Variants in ZFYVE28 observed in about 807,000 individuals in gnomAD.
The protein encoded by ZFYVE28 is zinc finger FYVE-type containing 28, also known as lateral signaling target protein 2 homolog.
Under a neutral mutation model 82.1 loss-of-function variants are expected in ZFYVE28, and 40 were observed. That is an observed-to-expected ratio of 0.49 (90% CI 0.38 to 0.63). The LOEUF is 0.63. Ranked by LOEUF, ZFYVE28 falls within the 30% of genes least tolerant of loss-of-function variation. The probability of loss-of-function intolerance (pLI) is 0.00; values close to 1 mark genes in which losing one functional copy is unlikely to be tolerated. For missense variants in ZFYVE28, 1,321 were observed against 1,242.1 expected, an observed-to-expected ratio of 1.06 and a Z score of -0.96; for synonymous variants, 612 against 546.1, an observed-to-expected ratio of 1.12 and a Z score of -1.68.
At chr4:2,317,082 G>A (rs2213315) in intron 7 of ZFYVE28, among the ~76,000 whole-genome samples, 38,109 of 149,502 alleles carry the variant, frequency 0.25, 5,702 homozygotes, top group Middle Eastern at 0.39. Context: ...TCCACCTCCT[G>A]GGTTCAAGCG....
intron 1 of ZFYVE28, among the ~76,000 whole-genome samples, chr4:2,376,803 A>G (rs1728191095): frequency 1.3e-5 from 2 of 152,096 alleles, no homozygotes; most frequent in African/African-American, 2.4e-5. Context: ...ACATGACCCT[A>G]TGGTCCCAGC....
At chr4:2,295,022 C>T (rs148454605) in intron 8 of ZFYVE28, among the ~76,000 whole-genome samples, 5 of 152,130 alleles carry the variant, frequency 3.3e-5, no homozygotes, top group African/African-American at 4.8e-5. Flanking sequence ...AAAACTACAA[C>T]GAGGTACCAC....
intron 2 of ZFYVE28, among the ~76,000 whole-genome samples, chr4:2,346,502 T>C (rs1036935515): frequency 6.6e-6 from 1 of 152,156 alleles, no homozygotes; most frequent in Non-Finnish European, 1.5e-5. Context: ...ATTTTCTAAA[T>C]TTTTAATTTA....
intron 1 of ZFYVE28, among the ~76,000 whole-genome samples, chr4:2,381,236 C>T (rs937909788): frequency 1.3e-5 from 2 of 152,184 alleles, no homozygotes; most frequent in Admixed American, 6.5e-5. Context: ...TGCCCCTGCC[C>T]TAGAGATTTG....
intron 1 of ZFYVE28, among the ~76,000 whole-genome samples, chr4:2,393,258 CAG>C (rs1272052235): frequency 6.6e-6 from 1 of 152,238 alleles, no homozygotes; most frequent in African/African-American, 2.4e-5. Context: ...TTTCTAGACA[CAG>C]AACACCTGCC....
At position 2,271,775 on chromosome 4, in the gene ZFYVE28, G is replaced by A; in HGVS notation, c.2328C>T (p.Thr776=). 1 of 1,613,296 alleles carries A rather than the reference G, an allele frequency of 6.2e-7. No individual in the cohort carries two copies. Among genetic ancestry groups the A allele is most frequent in the South Asian group, 1.1e-5 (1 of 91,088 alleles). Residue 776 remains threonine, a synonymous_variant, in exon 11 of 13, where the codon ACC becomes ACT. Coordinates refer to ENST00000290974, the MANE Select transcript of ZFYVE28 (RefSeq NM_020972.3). ...CCAAGGCCGCACTCCGCAGAGTCTGGGTGACTAGTGGAGAAGGGGGGCCGT... is the reference window on the plus strand; with the variant it reads ...CCAAGGCCGCACTCCGCAGAGTCTGAGTGACTAGTGGAGAAGGGGGGCCGT... ...TDDKEKLRKV[T]QTLRSAALED...
At chr4:2,330,815 G>A in intron 6 of ZFYVE28, 1 of 1,534,058 alleles carries the variant, frequency 6.5e-7, no homozygotes, top group Non-Finnish European at 8.7e-7. Context: ...GGGACAGCAT[G>A]GTGGAGACCC....
chr4:2,311,670 T>G (rs937587234), intron 7 of ZFYVE28, among the ~76,000 whole-genome samples: 2 of 152,264 alleles, frequency 1.3e-5, no homozygotes, highest in African/African-American at 2.4e-5. Context: ...CCTAGCTTCT[T>G]TAGACAAAAT....
Position 2,304,855 on chromosome 4 carries a change from C to G in ZFYVE28, c.1485G>C (p.Ala495=), listed in dbSNP as rs758470767. ...RLHLDGWEVG[A]DDAETAEMIA... ...TCATCTCAGCCGTCTCTGCGTCATC[C>G]GCACCCACCTCCCAGCCGTCCAGGT... is the stretch of plus-strand genomic sequence containing the variant. The change falls in exon 8 of 13, where the codon GCG becomes GCC. Residue 495 remains alanine, a synonymous_variant. Coordinates refer to ENST00000290974, the MANE Select transcript of ZFYVE28 (RefSeq NM_020972.3). 2 of 1,612,666 alleles carry G rather than the reference C, an allele frequency of 1.2e-6. No individual in the cohort carries two copies. The highest frequency in any genetic ancestry group is 1.7e-5 in the Admixed American group (1 of 60,026).
chr4:2,284,001 C>T (rs906302641), intron 8 of ZFYVE28, among the ~76,000 whole-genome samples: 1 of 152,206 alleles, frequency 6.6e-6, no homozygotes, highest in African/African-American at 2.4e-5. Context: ...GGTCAGTGCC[C>T]CCAGAGGATG....
chr4:2,359,316 G>T (rs964070086), intron 1 of ZFYVE28, among the ~76,000 whole-genome samples: 1 of 152,022 alleles, frequency 6.6e-6, no homozygotes, highest in Non-Finnish European at 1.5e-5. Flanking sequence ...TGTAGAGACG[G>T]GGTCTTGCCA....
At chr4:2,407,401 C>T (rs1419264401) in intron 1 of ZFYVE28, among the ~76,000 whole-genome samples, 4 of 151,966 alleles carry the variant, frequency 2.6e-5, no homozygotes, top group Non-Finnish European at 5.9e-5. Flanking sequence ...GAGGTTGCAG[C>T]CTGTCCCCTT....
At chr4:2,274,256 T>C (rs778531023) in intron 8 of ZFYVE28, 40 bp from the exon 9 acceptor site, 3 of 1,596,444 alleles carry the variant, frequency 1.9e-6, no homozygotes, top group Non-Finnish European at 2.6e-6. Context: ...GGGTGGGGCA[T>C]GATAAGGGGC....
chr4:2,305,022 C>T lies in ZFYVE28; in HGVS notation c.1318G>A (p.Gly440Arg), dbSNP rs1416415712. Residue 440 changes from glycine (G) to arginine (R), a missense_variant, in exon 8 of 13, where the codon GGG becomes AGG. By Grantham distance (125) the Gly-to-Arg change is moderately radical. Around this residue, in one of 2 missense-constraint regions of ZFYVE28, gnomAD observed 978 missense variants for 833.7 expected, o/e 1.17. Coordinates refer to ENST00000290974, the MANE Select transcript of ZFYVE28 (RefSeq NM_020972.3). The part of the protein sequence containing the change: ...WADPQEKGQG[G>R]PGGAAGISLP... Reference sequence around the variant, plus strand: ...CTGATCCCCGCCGCTCCGCCTGGCCCACCCTGCCCTTTCTCCTGGGGGTCG... The same window carrying T: ...CTGATCCCCGCCGCTCCGCCTGGCCTACCCTGCCCTTTCTCCTGGGGGTCG... The T allele has an allele frequency of 1.3e-5, 21 of 1,612,780 alleles. No individual in the cohort carries two copies. Among genetic ancestry groups the T allele is most frequent in the Middle Eastern group, 1.6e-4 (1 of 6,062 alleles).
intron 1 of ZFYVE28, among the ~76,000 whole-genome samples, chr4:2,374,413 A>G (rs1578301869): frequency 6.6e-6 from 1 of 152,178 alleles, no homozygotes; most frequent in African/African-American, 2.4e-5. Context: ...GGAGCTCGAG[A>G]CCAGCCTGTA....
intron 6 of ZFYVE28, chr4:2,328,887 T>C: frequency 2.5e-6 from 1 of 405,698 alleles, no homozygotes; most frequent in East Asian, 3.4e-5. Context: ...AGACTGTTCT[T>C]TCCTTATTGA....
intron 12 of ZFYVE28, 190 bp downstream of exon 12, chr4:2,271,121 G>A: frequency 1.3e-6 from 1 of 741,082 alleles, no homozygotes; most frequent in Non-Finnish European, 2.2e-6. Context: ...CTGGACATGG[G>A]CACCATCCAG....
intron 1 of ZFYVE28, among the ~76,000 whole-genome samples, chr4:2,412,580 TG>T (rs1185009351): frequency 1.3e-5 from 2 of 151,848 alleles, no homozygotes; most frequent in Admixed American, 1.3e-4. Context: ...AAGAAAACAC[TG>T]GGGAAGCACT....
chr4:2,335,921 G>A lies in ZFYVE28; in HGVS notation c.612-127C>T. On this transcript the variant is annotated intron_variant, in intron 5 of 12. Coordinates refer to ENST00000290974, the MANE Select transcript of ZFYVE28 (RefSeq NM_020972.3). The surrounding 1 kb of genome is among the most constrained non-coding windows in gnomAD (Gnocchi z 5.8). ...GCCACGCGTGGTGGCCACGTCAAGAGGTGACACATGCCACCCCCAGTCCTC... is the reference window on the plus strand; with the variant it reads ...GCCACGCGTGGTGGCCACGTCAAGAAGTGACACATGCCACCCCCAGTCCTC... 2.8e-6 allele frequency: 2 copies of A among 718,280 alleles called. No homozygotes were observed. The highest frequency in any genetic ancestry group is 5.5e-5 in the East Asian group (2 of 36,642). 44.5% of individuals were successfully genotyped at this position (718,280 alleles called of 1,614,324 possible).
Sources: gnomAD v4.1 joint callset for allele counts (sites outside exome capture counted in the v4.1 genomes callset) on GRCh38, gnomAD v4.1.1 for gene constraint, gnomAD v4.1.1 regional missense constraint, Gnocchi (gnomAD v3.1) non-coding constraint, MANE v1.5 for transcripts, NCBI Gene and HGNC (gene_info 2026-07-23, HGNC 2026-07-21) for gene names.